FBXO36: variants seen among roughly 807,000 people sequenced by gnomAD.
FBXO36 encodes F-box protein 36, also known as F-box only protein 36.
Under a neutral mutation model 17.0 loss-of-function variants are expected in FBXO36, and 18 were observed. The observed-to-expected ratio is 1.06, with a 90% CI of 0.73 to 1.57. The LOEUF is 1.57. Among genes scored for constraint, FBXO36 ranks in the 40% most tolerant of loss-of-function variants. The pLI, the probability that FBXO36 is intolerant of heterozygous loss-of-function variation, is 0.00. For synonymous variants in FBXO36, 83 were observed against 85.3 expected (o/e 0.97, Z 0.15); for missense variants, 229 against 221.9 (o/e 1.03, Z -0.20).
intron 1 of FBXO36, among the ~76,000 whole-genome samples, chr2:229,930,437 TTCTTCCC>T (rs1482999698): frequency 6.6e-6 from 1 of 152,150 alleles, no homozygotes; most frequent in East Asian, 1.9e-4. Context: ...CAGTCCCTTA[TTCTTCCC>T]TCTTCCCTTA....
At chr2:230,010,664 TG>T (rs751683975) in intron 3 of FBXO36, 31 bp from the exon 4 acceptor site, 2 of 1,579,450 alleles carry the variant, frequency 1.3e-6, no homozygotes, top group Non-Finnish European at 1.7e-6. Flanking sequence ...ACATGTGTGC[TG>T]TAACCCACCT....
At chr2:229,984,714 G>T (rs2077259441) in intron 2 of FBXO36, among the ~76,000 whole-genome samples, 1 of 152,030 alleles carries the variant, frequency 6.6e-6, no homozygotes, top group Admixed American at 6.6e-5. Flanking sequence ...AACTTGTTTT[G>T]CTCTTCATAT....
At chr2:229,925,250 C>T (rs2076906340) in intron 1 of FBXO36, among the ~76,000 whole-genome samples, 1 of 151,954 alleles carries the variant, frequency 6.6e-6, no homozygotes, top group East Asian at 1.9e-4. Context: ...ACACTTCTAC[C>T]AGTGAGAGTT....
At chr2:229,927,014 C>T (rs1416588167) in intron 1 of FBXO36, among the ~76,000 whole-genome samples, 1 of 151,986 alleles carries the variant, frequency 6.6e-6, no homozygotes, top group African/African-American at 2.4e-5. Context: ...CACCCGCCAC[C>T]ATGCCCAGCT....
chr2:229,954,988 T>C (rs1055921511), intron 1 of FBXO36, among the ~76,000 whole-genome samples: 5 of 151,996 alleles, frequency 3.3e-5, no homozygotes, highest in Non-Finnish European at 7.4e-5. Flanking sequence ...TAGCTGGGAC[T>C]ACGGACATGC....
At chr2:229,956,522 G>A (rs2077088451) in intron 1 of FBXO36, among the ~76,000 whole-genome samples, 1 of 152,196 alleles carries the variant, frequency 6.6e-6, no homozygotes, top group Admixed American at 6.5e-5. Context: ...ATAGCTTAGG[G>A]GAGCATAAAT....
Position 230,012,810 on chromosome 2 carries a change from A to C in FBXO36, c.*1926A>C, listed in dbSNP as rs1451193755. 5 of 151,816 alleles carry C rather than the reference A, an allele frequency of 3.3e-5. No individual in the cohort carries two copies. The highest frequency in any genetic ancestry group is 3.3e-4 in the Admixed American group (5 of 15,254). 9.4% of individuals were successfully genotyped at this position (151,816 alleles called of 1,614,324 possible). On this transcript the variant is annotated 3_prime_UTR_variant, in exon 4 of 4. Coordinates refer to ENST00000283946, the MANE Select transcript of FBXO36 (RefSeq NM_174899.5). ...GGTAACATCAGTGCAAGATGATTAA[A>C]GCTTCATGTGTAGTATTTTATCAAC... is the stretch of plus-strand genomic sequence containing the variant.
At chr2:229,979,992 A>G (rs2077229661) in intron 2 of FBXO36, among the ~76,000 whole-genome samples, 2 of 152,248 alleles carry the variant, frequency 1.3e-5, no homozygotes, top group Non-Finnish European at 2.9e-5. Flanking sequence ...TATGCAGCTC[A>G]CTATAAAGTA....
intron 1 of FBXO36, among the ~76,000 whole-genome samples, chr2:229,956,781 G>T (rs2077090239): frequency 6.6e-6 from 1 of 152,090 alleles, no homozygotes. Context: ...GAGACAGAAG[G>T]CCAGGAAAAG....
intron 1 of FBXO36, among the ~76,000 whole-genome samples, chr2:229,975,484 T>G (rs992305762): frequency 2.0e-5 from 3 of 151,854 alleles, no homozygotes; most frequent in Non-Finnish European, 4.4e-5. Context: ...TTTTTTTTTT[T>G]TTGAGACAGG....
chr2:230,004,937 C>G (rs1214111438), intron 3 of FBXO36, among the ~76,000 whole-genome samples: 1 of 152,074 alleles, frequency 6.6e-6, no homozygotes, highest in Non-Finnish European at 1.5e-5. Context: ...ACCCAGAAGG[C>G]AGAGTTTGCA....
intron 1 of FBXO36, among the ~76,000 whole-genome samples, chr2:229,968,678 G>A (rs1356835818): frequency 1.3e-5 from 2 of 152,066 alleles, no homozygotes; most frequent in African/African-American, 4.8e-5. Context: ...ATGTTGCCCA[G>A]GGTGGTCTCA....
At chr2:230,006,608 G>A (rs934415869) in intron 3 of FBXO36, among the ~76,000 whole-genome samples, 39 of 152,292 alleles carry the variant, frequency 2.6e-4, no homozygotes, top group African/African-American at 8.4e-4. Flanking sequence ...AAAGATGCAC[G>A]TGTCCCTGCC....
chr2:229,934,274 G>C (rs1318039080), intron 1 of FBXO36, among the ~76,000 whole-genome samples: 1 of 152,056 alleles, frequency 6.6e-6, no homozygotes, highest in East Asian at 1.9e-4. Flanking sequence ...GGTGGCAGGA[G>C]CCTGTAGTCC....
intron 1 of FBXO36, among the ~76,000 whole-genome samples, chr2:229,932,065 C>T (rs2076941291): frequency 1.3e-5 from 2 of 151,812 alleles, no homozygotes; most frequent in Admixed American, 6.6e-5. Flanking sequence ...ACTACAGGCC[C>T]GTTCCACCAT....
At position 229,976,284 on chromosome 2, in the gene FBXO36, G is replaced by A. The variant is rs201887524; in HGVS notation, c.140G>A (p.Arg47Gln). The part of the protein sequence containing the change: ...WWKISLRSEY[R>Q]STKPGEAKET... Reference sequence around the variant, plus strand: ...AAGATCTCTCTAAGGAGTGAGTATCGATCAACAAAACCTGGAGAAGCAAAA... The same window carrying A: ...AAGATCTCTCTAAGGAGTGAGTATCAATCAACAAAACCTGGAGAAGCAAAA... The change falls in exon 2 of 4, where the codon CGA becomes CAA. Residue 47 changes from arginine (R) to glutamine (Q), a missense_variant. By Grantham distance (43) the Arg-to-Gln change is conservative. Coordinates refer to ENST00000283946, the MANE Select transcript of FBXO36 (RefSeq NM_174899.5). 54 of 1,613,444 alleles carry A rather than the reference G, an allele frequency of 3.3e-5. No homozygotes were observed. The Middle Eastern group carries it at 5.0e-4, about 15-fold the overall frequency.
At chr2:229,955,570 T>C (rs2077083222) in intron 1 of FBXO36, among the ~76,000 whole-genome samples, 1 of 152,014 alleles carries the variant, frequency 6.6e-6, no homozygotes, top group Non-Finnish European at 1.5e-5. Context: ...ATTGTCTACC[T>C]CCCTTTTCTC....
At chr2:229,968,370 T>A (rs2077164322) in intron 1 of FBXO36, among the ~76,000 whole-genome samples, 1 of 152,220 alleles carries the variant, frequency 6.6e-6, no homozygotes, top group Non-Finnish European at 1.5e-5. Flanking sequence ...TTTGACAAAT[T>A]AAAATCTCAA....
chr2:229,978,914 T>C (rs913889157), intron 2 of FBXO36, among the ~76,000 whole-genome samples: 3 of 152,256 alleles, frequency 2.0e-5, no homozygotes, highest in South Asian at 4.1e-4. Flanking sequence ...CAGTGGCTCA[T>C]GCCTGTAATG....
Sources: gnomAD v4.1 joint callset for allele counts (sites outside exome capture counted in the v4.1 genomes callset) on GRCh38, gnomAD v4.1.1 for gene constraint, MANE v1.5 for transcripts, NCBI Gene and HGNC (gene_info 2026-07-23, HGNC 2026-07-21) for gene names.